The following PCDH15 variants were observed in gnomAD, a reference collection of about 807,000 sequenced individuals.
The protein encoded by PCDH15 is protocadherin-15.
PCDH15 carries 129 observed loss-of-function variants against 178.5 expected under a neutral mutation model. That is an observed-to-expected ratio of 0.72 (90% CI 0.63 to 0.84). PCDH15 has a LOEUF of 0.84. Among genes scored for constraint, PCDH15 ranks in the 40% least tolerant of loss-of-function variants. The pLI is 0.00. For missense variants in PCDH15, 2,230 were observed against 2,099.9 expected, an observed-to-expected ratio of 1.06 and a Z score of -1.21; for synonymous variants, 800 against 732.0, an observed-to-expected ratio of 1.09 and a Z score of -1.50.
chr10:54,458,070 T>C (rs1208202945), intron 3 of PCDH15, among the ~76,000 whole-genome samples: 1 of 152,196 alleles, frequency 6.6e-6, no homozygotes, highest in African/African-American at 2.4e-5. Context: ...TTCTTATGTA[T>C]GTTTTATGTA....
rs567452223 is a variant in PCDH15, at chr10:54,014,612, C to T, written c.2751+5580G>A. 2.6e-5 allele frequency among the ~76,000 whole-genome samples: 4 copies of T among 152,196 alleles called. No homozygotes were observed. In the East Asian group the frequency reaches 7.7e-4, roughly 29 times the overall value. ...GGATGCAAGGTTGGTTCAATATAGG[C>T]AAATCAACAGAAGTGATTCACCACA... On this transcript the variant is annotated intron_variant, in intron 20 of 37. Coordinates refer to ENST00000644397, the MANE Select transcript of PCDH15 (RefSeq NM_001384140.1).
chr10:53,821,476 C>A, intron 32 of PCDH15: 10 of 1,017,872 alleles, frequency 9.8e-6, no homozygotes, highest in Non-Finnish European at 1.2e-5. Flanking sequence ...TTTCTTGGAA[C>A]ATTCATATAA....
intron 5 of PCDH15, among the ~76,000 whole-genome samples, chr10:54,355,377 T>C (rs1020712638): frequency 3.9e-5 from 6 of 151,998 alleles, no homozygotes; most frequent in African/African-American, 1.4e-4. Context: ...CTAAGAAAAA[T>C]GTTTTGGGTT....
chr10:54,802,286 A>G (rs1351325688), upstream of PCDH15, among the ~76,000 whole-genome samples: 1 of 152,220 alleles, frequency 6.6e-6, no homozygotes, highest in Non-Finnish European at 1.5e-5. Context: ...CTCATTTAAA[A>G]CAAAATGGAC....
rs1198598394 is a variant in PCDH15, at chr10:54,240,622, TTTGC to T, written c.877-3695_877-3692del. On this transcript the variant is annotated intron_variant, in intron 8 of 37. Coordinates refer to ENST00000644397, the MANE Select transcript of PCDH15 (RefSeq NM_001384140.1). The stretch of plus-strand genomic sequence containing the variant: ...TTCTAAATTCTGTTATTTATTTTCT[TTTGC>T]TTTTTTTTTTTTTTTTTTTTTTTGA... 5.0e-4 allele frequency among the ~76,000 whole-genome samples: 67 copies of T among 133,542 alleles called. 1 individual carries two copies. The highest frequency in any genetic ancestry group is 1.9e-3 in the African/African-American group (67 of 34,990). The allele number at this position is 133,542 out of a possible 152,430, so 87.6% of individuals were successfully genotyped here. A position where few individuals can be genotyped will look rare whatever the true frequency, so the allele number is the denominator to read the frequency against.
intron 2 of PCDH15, among the ~76,000 whole-genome samples, chr10:55,138,922 T>A (rs568661343): frequency 2.0e-5 from 3 of 152,276 alleles, no homozygotes; most frequent in Admixed American, 1.3e-4. Context: ...GATTTATCTA[T>A]AGCGTCATAT....
At chr10:53,882,510 C>T (rs944129505) in intron 26 of PCDH15, among the ~76,000 whole-genome samples, 6 of 152,232 alleles carry the variant, frequency 3.9e-5, no homozygotes, top group Middle Eastern at 3.4e-3. Context: ...TACAGGCACG[C>T]GCCACCACGC....
chr10:54,751,916 A>C (rs1376563521), intron 1 of PCDH15, among the ~76,000 whole-genome samples: 1 of 152,178 alleles, frequency 6.6e-6, no homozygotes, highest in East Asian at 1.9e-4. Flanking sequence ...ACTGCCATTT[A>C]ATGCTATTAA....
At chr10:55,489,752 A>AAATATTATACTGGCTTGGGTAGTT (rs1840372798) in intron 2 of PCDH15, among the ~76,000 whole-genome samples, 1 of 151,710 alleles carries the variant, frequency 6.6e-6, no homozygotes, top group African/African-American at 2.4e-5. Context: ...CTTGGGTAGT[A>AAATATTATACTGGCTTGGGTAGTT]AATATTATGC....
intron 2 of PCDH15, among the ~76,000 whole-genome samples, chr10:54,551,234 A>T (rs561200811): frequency 6.6e-6 from 1 of 151,882 alleles, no homozygotes. Flanking sequence ...GGAAAAAGTA[A>T]TATATACTCA....
chr10:54,027,245 A>G (rs944798328), intron 18 of PCDH15, among the ~76,000 whole-genome samples: 3 of 148,932 alleles, frequency 2.0e-5, no homozygotes, highest in Non-Finnish European at 4.4e-5. Flanking sequence ...GATGTGAAGG[A>G]CCTCTTCAAG....
chr10:54,967,745 C>T (rs1838828013), intron 2 of PCDH15, among the ~76,000 whole-genome samples: 1 of 152,130 alleles, frequency 6.6e-6, no homozygotes, highest in African/African-American at 2.4e-5. Context: ...CTTTGAATAA[C>T]AGAAATGTAT....
chr10:54,444,298 G>T (rs2076015198), intron 3 of PCDH15, among the ~76,000 whole-genome samples: 1 of 151,622 alleles, frequency 6.6e-6, no homozygotes, highest in African/African-American at 2.4e-5. Context: ...CATGATTCCG[G>T]GGAGGAGCAT....
At chr10:55,423,537 C>T in intron 2 of PCDH15, among the ~76,000 whole-genome samples, 1 of 151,914 alleles carries the variant, frequency 6.6e-6, no homozygotes, top group East Asian at 1.9e-4. Flanking sequence ...CACACTATTT[C>T]CAGAGCTAAT....
intron 28 of PCDH15, among the ~76,000 whole-genome samples, chr10:53,856,343 G>T (rs531902114): frequency 7.2e-5 from 11 of 151,982 alleles, no homozygotes; most frequent in Non-Finnish European, 1.5e-4. Context: ...TATAAGAACT[G>T]CAGTTTAATA....
At chr10:54,982,163 G>C (rs552833032) in intron 2 of PCDH15, among the ~76,000 whole-genome samples, 1 of 151,736 alleles carries the variant, frequency 6.6e-6, no homozygotes, top group South Asian at 2.1e-4. Flanking sequence ...TTATGCATAG[G>C]GTATCTTTCA....
intron 2 of PCDH15, among the ~76,000 whole-genome samples, chr10:54,907,918 C>T (rs932158603): frequency 6.6e-6 from 1 of 152,178 alleles, no homozygotes; most frequent in Non-Finnish European, 1.5e-5. Flanking sequence ...GTCAAGAACC[C>T]TGGCCCCTCT....
chr10:55,586,015 C>A (rs1842721370), intron 2 of PCDH15, among the ~76,000 whole-genome samples: 1 of 151,972 alleles, frequency 6.6e-6, no homozygotes, highest in South Asian at 2.1e-4. Context: ...ATGAATTCAG[C>A]CTAATCTGTT....
At chr10:55,377,643 C>A (rs562881747) in intron 2 of PCDH15, among the ~76,000 whole-genome samples, 65 of 151,926 alleles carry the variant, frequency 4.3e-4, no homozygotes, top group African/African-American at 1.6e-3. Context: ...ACATAGAGGC[C>A]TCTTTGATCA....
Sources: allele counts gnomAD v4.1 joint callset (sites outside exome capture counted in the v4.1 genomes callset), GRCh38; gene constraint gnomAD v4.1.1; transcripts MANE v1.5; gene names NCBI Gene and HGNC (gene_info 2026-07-23, HGNC 2026-07-21).